SLC49A3: variants seen among roughly 807,000 people sequenced by gnomAD.
The protein encoded by SLC49A3 is solute carrier family 49 member 3, also known as solute carrier family 49 member A3.
SLC49A3 carries 50 observed loss-of-function variants against 43.8 expected under a neutral mutation model. The observed-to-expected ratio is 1.14, with a 90% CI of 0.91 to 1.45. The LOEUF (loss-of-function observed/expected upper bound fraction) is 1.45, where lower values mean the gene tolerates loss of function less well. SLC49A3 is among the 40% of genes most tolerant of loss of function. SLC49A3 has a pLI of 0.00. For synonymous variants in SLC49A3, 413 were observed against 352.0 expected (o/e 1.17, Z -1.94); for missense variants, 906 against 774.1 (o/e 1.17, Z -2.02).
downstream of SLC49A3, chr4:678,400 C>T (rs1739072856): frequency 1.4e-6 from 2 of 1,418,690 alleles, no homozygotes; most frequent in African/African-American, 2.9e-5. Context: ...CGATCCCTGA[C>T]CACTGTGCTC....
chr4:683,250 C>A lies in SLC49A3; in HGVS notation c.1111G>T (p.Val371Leu), dbSNP rs149031633. The change falls in exon 8 of 10, where the codon GTG becomes TTG. Residue 371 changes from valine to leucine, a missense_variant. Coordinates refer to ENST00000322224, the MANE Select transcript of SLC49A3 (RefSeq NM_032219.4). ...MELAVECSFPVGEGAATGMIF... is the reference protein window; with the variant it reads ...MELAVECSFPLGEGAATGMIF... ...ATGCCTGTGGCAGCCCCCTCCCCCA[C>A]GGGGAAGGAACACTCGACCGCCAAC... is the stretch of plus-strand genomic sequence containing the variant. 1 of 1,612,664 alleles carries A rather than the reference C, an allele frequency of 6.2e-7. No homozygotes were observed. Among genetic ancestry groups the A allele is most frequent in the East Asian group, 2.2e-5 (1 of 44,882 alleles).
downstream of SLC49A3, chr4:677,786 C>A: frequency 4.8e-6 from 3 of 630,430 alleles, no homozygotes; most frequent in Non-Finnish European, 2.9e-6. Flanking sequence ...GGGAGGTAGT[C>A]CTGGCCAGAG....
In SLC49A3 at chr4:683,662, C is replaced by A. The variant is rs1162861527; in HGVS notation, c.940G>T (p.Ala314Ser). 4 of 1,610,946 alleles carry A rather than the reference C, an allele frequency of 2.5e-6. No homozygotes were observed. The highest frequency in any genetic ancestry group is 3.4e-6 in the Non-Finnish European group (4 of 1,179,158). ...YVDRTKHFTE[A>S]TKIGLCLFSL... ...AACAGGCACAGGCCAATCTTGGTGG[C>A]CTCAGTGAAGTGCTTGGTCCGGTCC... Residue 314 changes from alanine (A) to serine (S), a missense_variant, in exon 7 of 10, where the codon GCC becomes TCC. By Grantham distance (99) the Ala-to-Ser change is moderately conservative. Coordinates refer to ENST00000322224, the MANE Select transcript of SLC49A3 (RefSeq NM_032219.4).
downstream of SLC49A3, chr4:676,960 T>C (rs1192696673): frequency 1.5e-5 from 15 of 983,782 alleles, no homozygotes; most frequent in African/African-American, 3.5e-5. Flanking sequence ...ACTGTGACCA[T>C]GTGTCCCTCA....
chr4:678,255 T>TG, downstream of SLC49A3: 1 of 1,473,018 alleles, frequency 6.8e-7, no homozygotes, highest in Non-Finnish European at 9.0e-7. Context: ...TGCCTCACGT[T>TG]GCTCTCCTGG....
downstream of SLC49A3, chr4:677,952 G>C (rs1307067318): frequency 2.7e-5 from 43 of 1,612,332 alleles, no homozygotes; most frequent in Admixed American, 5.0e-4. Context: ...AACTGTCCTG[G>C]GGGACCAAGC....
downstream of SLC49A3, among the ~76,000 whole-genome samples, chr4:681,569 G>T (rs1329709394): frequency 7.5e-6 from 1 of 133,256 alleles, no homozygotes; most frequent in Non-Finnish European, 1.6e-5. Context: ...AGCCCGACAC[G>T]TGCGCCCAGA....
At chr4:690,020 T>C (rs1338576421), upstream of SLC49A3, among the ~76,000 whole-genome samples, 1 of 152,244 alleles carries the variant, frequency 6.6e-6, no homozygotes, top group African/African-American at 2.4e-5. Flanking sequence ...GGAGGCTCTC[T>C]TGACCCTTGA....
rs1433126421 is a variant in SLC49A3 at position 683,151 on chromosome 4, G to A, written c.1151+59C>T. On this transcript the variant is annotated intron_variant, in intron 8 of 9. Transcript: ENST00000322224. ...GACCACATGGTGCAACCCCAGGGGTGTAGGGGTGGAGCAAGGGGAGTATCT... is the reference window on the plus strand; with the variant it reads ...GACCACATGGTGCAACCCCAGGGGTATAGGGGTGGAGCAAGGGGAGTATCT... 1.4e-5 allele frequency: 22 copies of A among 1,592,496 alleles called. No individual in the cohort carries two copies. The Admixed American group carries it at 3.0e-4, about 22-fold the overall frequency.
downstream of SLC49A3, chr4:678,541 C>G (rs1178575551): frequency 2.0e-6 from 3 of 1,470,106 alleles, no homozygotes; most frequent in East Asian, 5.0e-5. Context: ...CTGGCCCCCT[C>G]CAGCCCGAAG....
At chr4:678,667 A>G (rs1253147856), downstream of SLC49A3, 3 of 1,608,446 alleles carry the variant, frequency 1.9e-6, no homozygotes, top group South Asian at 3.3e-5. Flanking sequence ...GGCCAGCAGG[A>G]AGACCAAGAA....
downstream of SLC49A3, chr4:681,091 G>A (rs1257913824): frequency 5.6e-6 from 9 of 1,601,294 alleles, no homozygotes; most frequent in Non-Finnish European, 6.8e-6. Flanking sequence ...CTCGTCCTCA[G>A]CATCAAGCGT....
chr4:681,962 G>C lies in SLC49A3; in HGVS notation c.1676C>G (p.Thr559Arg). Reference protein sequence around the residue: ...HSSFSSPWVIT With the variant: ...HSSFSSPWVIR ...CCTGGACTACAAGGCGCTCAGCTAC[G>C]TGATCACCCACGGGGAGGAGAAGGA... The change falls in exon 10 of 10, where the codon ACG becomes AGG. Residue 559 changes from threonine (T) to arginine (R), a missense_variant. Transcript: ENST00000322224. The C allele has an allele frequency of 1.5e-6, 2 of 1,371,758 alleles. No individual in the cohort carries two copies. The highest frequency in any genetic ancestry group is 1.9e-5 in the South Asian group (1 of 53,792). The allele number at this position is 1,371,758 out of a possible 1,614,324, so 85.0% of individuals were successfully genotyped here.
At chr4:681,082 TC>T (rs1560155916), downstream of SLC49A3, 1 of 1,596,426 alleles carries the variant, frequency 6.3e-7, no homozygotes, top group Non-Finnish European at 8.5e-7. Flanking sequence ...ACCCCTTTCC[TC>T]GTCCTCAGCA....
intron 7 of SLC49A3, 44 bp from the exon 8 acceptor site, chr4:683,411 A>T: frequency 1.3e-6 from 2 of 1,588,878 alleles, no homozygotes; most frequent in Non-Finnish European, 1.7e-6. Context: ...AGGGGGTGGC[A>T]GTCAGAACTG....
chr4:678,840 C>T, downstream of SLC49A3: 1 of 1,607,480 alleles, frequency 6.2e-7, no homozygotes, highest in African/African-American at 1.3e-5. Flanking sequence ...TGGGCTGGCT[C>T]CAGGGCCAGC....
At chr4:680,098 C>A, downstream of SLC49A3, 1 of 1,337,686 alleles carries the variant, frequency 7.5e-7, no homozygotes, top group Admixed American at 2.2e-5. Context: ...GTAAAAATCT[C>A]TCTTTTCCAA....
chr4:680,752 C>G, downstream of SLC49A3: 1 of 733,102 alleles, frequency 1.4e-6, no homozygotes, highest in South Asian at 1.8e-5. Context: ...GAGTGGGAGG[C>G]CAGCCCTGCT....
At chr4:689,512 C>T (rs1741683554), upstream of SLC49A3, 1 of 164,004 alleles carries the variant, frequency 6.1e-6, no homozygotes, top group African/African-American at 2.4e-5. Flanking sequence ...CTGTGGACCC[C>T]AAGTTCCTGA....
Sources: allele counts gnomAD v4.1 joint callset (sites outside exome capture counted in the v4.1 genomes callset), GRCh38; gene constraint gnomAD v4.1.1; transcripts MANE v1.5; gene names NCBI Gene and HGNC (gene_info 2026-07-23, HGNC 2026-07-21).